The following JAKMIP2 variants were observed in gnomAD, a reference collection of about 807,000 sequenced individuals.
The protein encoded by JAKMIP2 is janus kinase and microtubule-interacting protein 2.
A neutral mutation model predicts 115.0 loss-of-function variants in JAKMIP2; 25 were observed. The ratio of observed to expected loss-of-function variants is 0.22; its 90% CI spans 0.16 to 0.30. The LOEUF (loss-of-function observed/expected upper bound fraction) is 0.30. Among genes scored for constraint, JAKMIP2 ranks in the 10% least tolerant of loss-of-function variants. JAKMIP2 has a pLI of 1.00. For synonymous variants in JAKMIP2, 334 were observed against 343.6 expected (o/e 0.97, Z 0.31); for missense variants, 642 against 957.6 (o/e 0.67, Z 4.35).
intron 21 of JAKMIP2, chr5:147,594,389 C>G (rs535100209): frequency 2.7e-4 from 123 of 453,364 alleles, no homozygotes; most frequent in Non-Finnish European, 4.9e-4. Flanking sequence ...GGATGGAGTA[C>G]AGTGGTGCAA....
chr5:147,758,841 A>T (rs1754834843), intron 1 of JAKMIP2, among the ~76,000 whole-genome samples: 1 of 152,158 alleles, frequency 6.6e-6, no homozygotes, highest in Non-Finnish European at 1.5e-5. Context: ...GCAAATAAAA[A>T]GTCCCAAGAA....
At chr5:147,624,110 G>T (rs1756989195) in intron 16 of JAKMIP2, among the ~76,000 whole-genome samples, 1 of 152,074 alleles carries the variant, frequency 6.6e-6, no homozygotes, top group African/African-American at 2.4e-5. Context: ...TGTGATTATA[G>T]GTGCGAGCCA....
rs1209213895 is a variant in JAKMIP2, at chr5:147,590,077, A to G, written c.*1630T>C. The stretch of plus-strand genomic sequence containing the variant: ...GGGTCAGCAGTAAATGTAAGAACAA[A>G]AAGTGGGACCCCAGCATTCTAGTTT... On this transcript the variant is annotated 3_prime_UTR_variant, in exon 22 of 22. Transcript: ENST00000616793. The G allele has an allele frequency of 2.6e-5, 4 of 152,198 alleles. No homozygotes were observed. Among genetic ancestry groups the G allele is most frequent in the African/African-American group, 9.7e-5 (4 of 41,448 alleles). The allele number at this position is 152,198 out of a possible 1,614,324, so 9.4% of individuals were successfully genotyped here.
intron 18 of JAKMIP2, among the ~76,000 whole-genome samples, chr5:147,618,545 T>G (rs1561850528): frequency 6.6e-6 from 1 of 152,156 alleles, no homozygotes; most frequent in Non-Finnish European, 1.5e-5. Context: ...GAGACCAGCC[T>G]GGCCAATGTG....
At chr5:147,713,140 A>G (rs1044260535) in intron 1 of JAKMIP2, among the ~76,000 whole-genome samples, 8 of 152,228 alleles carry the variant, frequency 5.3e-5, no homozygotes, top group Admixed American at 5.2e-4. Flanking sequence ...GCAATGATAC[A>G]ATGGAGCTAG....
chr5:147,629,827 A>G (rs1757275388), intron 14 of JAKMIP2, 81 bp from the exon 15 acceptor site: 5 of 1,083,752 alleles, frequency 4.6e-6, no homozygotes, highest in East Asian at 2.4e-5. Flanking sequence ...AGTTAGAGGA[A>G]GACATTTTAG....
chr5:147,661,543 A>G (rs1478600153), intron 2 of JAKMIP2, 98 bp from the exon 3 acceptor site: 3 of 1,251,372 alleles, frequency 2.4e-6, no homozygotes, highest in African/African-American at 3.0e-5. Context: ...TGATCTCTTA[A>G]TTCCTCATCT....
intron 1 of JAKMIP2, among the ~76,000 whole-genome samples, chr5:147,748,574 G>C (rs1754437720): frequency 6.6e-6 from 1 of 152,196 alleles, no homozygotes; most frequent in African/African-American, 2.4e-5. Flanking sequence ...ACTGGCAGCT[G>C]TGCCAATAGA....
At position 147,631,562 on chromosome 5, in the gene JAKMIP2, T is replaced by G. The variant is rs780723743; in HGVS notation, c.1777-51A>C. On this transcript the variant is annotated intron_variant, in intron 13 of 21. Coordinates refer to ENST00000616793, the MANE Select transcript of JAKMIP2 (RefSeq NM_001270941.2). The stretch of plus-strand genomic sequence containing the variant: ...GAAATTAAAAACAAAACTGATTAAT[T>G]AAACACTAAACCAGTGGTCTCTTTA... 7 of 1,160,256 alleles carry G rather than the reference T, an allele frequency of 6.0e-6. No individual in the cohort carries two copies. The South Asian group carries it at 8.9e-5, about 15-fold the overall frequency. The allele number at this position is 1,160,256 out of a possible 1,614,324, so 71.9% of individuals were successfully genotyped here. A position where few individuals can be genotyped will look rare whatever the true frequency, so the allele number is the denominator to read the frequency against.
chr5:147,597,586 T>C (rs1755460923), intron 21 of JAKMIP2, among the ~76,000 whole-genome samples: 1 of 152,314 alleles, frequency 6.6e-6, no homozygotes, highest in Non-Finnish European at 1.5e-5. Context: ...ACTGGTGCTG[T>C]CATGTTCTTC....
intron 19 of JAKMIP2, 48 bp downstream of exon 19, chr5:147,617,863 C>G (rs1302417400): frequency 6.8e-7 from 1 of 1,476,808 alleles, no homozygotes; most frequent in Non-Finnish European, 9.5e-7. Flanking sequence ...GTACTAAGTT[C>G]CATTTGCTAG....
chr5:147,605,280 G>T (rs1755946020), intron 20 of JAKMIP2, among the ~76,000 whole-genome samples: 1 of 144,132 alleles, frequency 6.9e-6, no homozygotes, highest in African/African-American at 2.6e-5. Context: ...CATGATCTTG[G>T]CTCACTGCAA....
chr5:147,761,655 C>T (rs1297482704), intron 1 of JAKMIP2, among the ~76,000 whole-genome samples: 1 of 152,042 alleles, frequency 6.6e-6, no homozygotes, highest in African/African-American at 2.4e-5. Context: ...AGTGGCTGGG[C>T]AAATATTCAA....
intron 1 of JAKMIP2, among the ~76,000 whole-genome samples, chr5:147,727,305 G>C (rs1753556112): frequency 6.6e-6 from 1 of 152,156 alleles, no homozygotes; most frequent in Non-Finnish European, 1.5e-5. Flanking sequence ...AGAAATATTG[G>C]CTGTTTTGCC....
chr5:147,698,637 A>G (rs1481445361), intron 1 of JAKMIP2, among the ~76,000 whole-genome samples: 2 of 152,100 alleles, frequency 1.3e-5, no homozygotes, highest in Non-Finnish European at 2.9e-5. Context: ...TGATGGTCTT[A>G]TTAGGGCTTC....
At position 147,635,864 on chromosome 5, in the gene JAKMIP2, A is replaced by G. The variant is rs117226656; in HGVS notation, c.1677+358T>C. ...GCTTGAGCCACTGTGCCTGGCCCTCATAGAGGTTTTGTTGTAGATAAACAA... is the reference window on the plus strand; with the variant it reads ...GCTTGAGCCACTGTGCCTGGCCCTCGTAGAGGTTTTGTTGTAGATAAACAA... On this transcript the variant is annotated intron_variant, in intron 12 of 21. Transcript: ENST00000616793. Among the ~76,000 whole-genome samples, 969 of 152,258 alleles carry G rather than the reference A, an allele frequency of 6.4e-3. 52 individuals are homozygous for G. The East Asian group carries it at 0.13, about 21-fold the overall frequency.
At chr5:147,636,328 A>T in intron 11 of JAKMIP2, 44 bp from the exon 12 acceptor site, 1 of 1,524,022 alleles carries the variant, frequency 6.6e-7, no homozygotes, top group Non-Finnish European at 9.1e-7. Context: ...TCAGAGTGGC[A>T]CGAAAGAGCC....
intron 17 of JAKMIP2, 132 bp downstream of exon 17, chr5:147,623,489 C>T: frequency 3.6e-6 from 2 of 554,438 alleles, no homozygotes; most frequent in African/African-American, 1.9e-5. Flanking sequence ...TTTCCATCTT[C>T]TGTACATAAA....
chr5:147,688,825 T>C (rs1201038018), intron 1 of JAKMIP2, among the ~76,000 whole-genome samples: 1 of 152,220 alleles, frequency 6.6e-6, no homozygotes, highest in Non-Finnish European at 1.5e-5. Context: ...GAATGCTGCA[T>C]AGCTGCCAAG....
Sources: allele counts gnomAD v4.1 joint callset (sites outside exome capture counted in the v4.1 genomes callset), GRCh38; gene constraint gnomAD v4.1.1; transcripts MANE v1.5; gene names NCBI Gene and HGNC (gene_info 2026-07-23, HGNC 2026-07-21).